The following CACNA1B variants were observed in gnomAD, a reference collection of about 807,000 sequenced individuals.
CACNA1B encodes voltage-dependent N-type calcium channel subunit alpha-1B.
In CACNA1B, 70 loss-of-function variants were observed where a neutral mutation model predicts 247.2. The ratio of observed to expected loss-of-function variants is 0.28; its 90% confidence interval spans 0.23 to 0.35. CACNA1B has a LOEUF of 0.35. Among genes scored for constraint, CACNA1B ranks in the 10% least tolerant of loss-of-function variants. The pLI is 1.00. For synonymous variants in CACNA1B, 1,231 were observed against 1,294.4 expected (o/e 0.95, Z 1.05); for missense variants, 2,367 against 3,197.4 (o/e 0.74, Z 6.26).
chr9:137,892,081 C>T (rs1231445947), intron 3 of CACNA1B: 1 of 457,286 alleles, frequency 2.2e-6, no homozygotes, highest in East Asian at 6.9e-5. Context: ...GCTGGCCTCT[C>T]TTTGCCCTCC....
At chr9:138,077,342 C>G (rs1960362102) in intron 35 of CACNA1B, among the ~76,000 whole-genome samples, 1 of 152,200 alleles carries the variant, frequency 6.6e-6, no homozygotes, top group Admixed American at 6.5e-5. Context: ...GGTGGCTGCT[C>G]AGGGCAGGGT....
In CACNA1B at chr9:138,120,171, A is replaced by T. The variant is rs1962032074; in HGVS notation, c.6037A>T (p.Thr2013Ser). Residue 2013 changes from threonine to serine, a missense_variant, in exon 45 of 47, where the codon ACA becomes TCA. Transcript: ENST00000371372. ...CTCAGTCCTTTGCCCACAGCCCGTCACAGATGCCAGCCCCATGAAGCGCTC... is the reference window on the plus strand; with the variant it reads ...CTCAGTCCTTTGCCCACAGCCCGTCTCAGATGCCAGCCCCATGAAGCGCTC... The part of the protein sequence containing the change: ...PRLAAETQPV[T>S]DASPMKRSIS... 1 of 1,601,248 alleles carries T rather than the reference A, an allele frequency of 6.2e-7. No homozygotes were observed. Among genetic ancestry groups the T allele is most frequent in the South Asian group, 1.1e-5 (1 of 88,254 alleles).
At chr9:137,920,251 C>A (rs1023220889) in intron 6 of CACNA1B, among the ~76,000 whole-genome samples, 18 of 152,156 alleles carry the variant, frequency 1.2e-4, no homozygotes, top group African/African-American at 4.3e-4. Flanking sequence ...TGCTGGAATG[C>A]GATGGCACGA....
intron 32 of CACNA1B, 128 bp downstream of exon 32, chr9:138,069,891 C>A: frequency 1.2e-6 from 1 of 807,534 alleles, no homozygotes; most frequent in South Asian, 1.4e-5. Context: ...CGGCTGCATC[C>A]ACTCACCTCT....
Position 138,023,110 on chromosome 9 carries a change from C to A in CACNA1B, c.2367C>A (p.Ser789Arg). Reference protein sequence around the residue: ...NLRASCEALYSEMDPEERLRF... With the variant: ...NLRASCEALYREMDPEERLRF... Reference sequence around the variant, plus strand: ...GGGCCAGCTGCGAGGCGCTGTACAGCGAGATGGACCCCGAGGAGCGGCTGC... The same window carrying A: ...GGGCCAGCTGCGAGGCGCTGTACAGAGAGATGGACCCCGAGGAGCGGCTGC... Residue 789 changes from serine to arginine, a missense_variant, in exon 19 of 47, where the codon AGC becomes AGA. Physicochemically the swap from Ser to Arg is moderately radical, Grantham distance 110 (BLOSUM62 -1). Around this residue, in one of 12 missense-constraint regions of CACNA1B, gnomAD observed 631 missense variants for 631.1 expected, o/e 1.00. Coordinates refer to ENST00000371372, the MANE Select transcript of CACNA1B (RefSeq NM_000718.4). 1 of 1,535,308 alleles carries A rather than the reference C, an allele frequency of 6.5e-7. No individual in the cohort carries two copies.
chr9:137,925,747 A>ATT (rs537179531), intron 6 of CACNA1B, among the ~76,000 whole-genome samples: 14 of 140,912 alleles, frequency 9.9e-5, no homozygotes, highest in African/African-American at 3.1e-4. Context: ...CATCGTAACC[A>ATT]TTTTTTTTTT....
At chr9:137,969,585 A>G (rs929526984) in intron 10 of CACNA1B, among the ~76,000 whole-genome samples, 2 of 152,092 alleles carry the variant, frequency 1.3e-5, no homozygotes, top group Non-Finnish European at 2.9e-5. Context: ...GTGGGTTTAC[A>G]TGAGTCACGT....
chr9:138,017,506 T>C, intron 18 of CACNA1B, among the ~76,000 whole-genome samples: 1 of 152,192 alleles, frequency 6.6e-6, no homozygotes, highest in East Asian at 1.9e-4. Flanking sequence ...TTCTCCTGAG[T>C]GGACTGGGCG....
chr9:137,879,505 G>A (rs982144150), intron 2 of CACNA1B, among the ~76,000 whole-genome samples: 8 of 152,220 alleles, frequency 5.3e-5, no homozygotes, highest in African/African-American at 1.9e-4. Flanking sequence ...ATGTCTTCGG[G>A]AAGGTCAGCT....
intron 44 of CACNA1B, 77 bp from the exon 45 acceptor site, chr9:138,120,088 C>CATTAAAA: frequency 7.9e-7 from 1 of 1,268,886 alleles, no homozygotes; most frequent in South Asian, 1.4e-5. Flanking sequence ...TGGCCTGCTC[C>CATTAAAA]ACCACCCACT....
intron 6 of CACNA1B, among the ~76,000 whole-genome samples, chr9:137,939,479 A>G (rs1417144149): frequency 6.6e-6 from 1 of 152,146 alleles, no homozygotes; most frequent in Admixed American, 6.6e-5. Flanking sequence ...GGGTCAAAAA[A>G]TGAAATCAAG....
In CACNA1B at chr9:138,121,494, C is replaced by T; in HGVS notation, c.6515C>T (p.Pro2172Leu). 3 of 1,541,262 alleles carry T rather than the reference C, an allele frequency of 1.9e-6. No individual in the cohort carries two copies. Among genetic ancestry groups the T allele is most frequent in the South Asian group, 1.3e-5 (1 of 79,984 alleles). The change falls in exon 47 of 47, where the codon CCC (proline) becomes CTC (leucine). Residue 2172 changes from proline (P) to leucine (L), a missense_variant. Physicochemically the swap from Pro to Leu is moderately conservative, Grantham distance 98. This residue lies in a region of CACNA1B where 773 missense variants were observed against 779.4 expected (regional missense o/e 0.99). Coordinates refer to ENST00000371372, the MANE Select transcript of CACNA1B (RefSeq NM_000718.4). The surrounding 1 kb of genome is among the most constrained non-coding windows in gnomAD (Gnocchi z 6.8). Reference protein sequence around the residue: ...PQGSGSVNGSPLLSTSGASTP... With the variant: ...PQGSGSVNGSLLLSTSGASTP... ...GGCAGTGGTTCCGTGAATGGGAGCC[C>T]CTTGCTGTCAACATCTGGTGCTAGC...
In CACNA1B at chr9:137,973,444, C is replaced by G. The variant is rs1958180644; in HGVS notation, c.1543+1852C>G. 6.6e-6 allele frequency among the ~76,000 whole-genome samples: 1 copy of G among 152,144 alleles called. No individual in the cohort carries two copies. The highest frequency in any genetic ancestry group is 2.4e-5 in the African/African-American group (1 of 41,444). The stretch of plus-strand genomic sequence containing the variant: ...ACCTCGGCTGTCCATTCTCCAAGGA[C>G]CTGCCCTCAATGCATTGCCAGAACC... On this transcript the variant is annotated intron_variant, in intron 11 of 46. Transcript: ENST00000371372. The surrounding 1 kb of genome is among the most constrained non-coding windows in gnomAD (Gnocchi z 4.1).
chr9:138,023,901 C>T (rs1958886521), intron 19 of CACNA1B, 90 bp downstream of exon 19: 1 of 676,724 alleles, frequency 1.5e-6, no homozygotes, highest in Non-Finnish European at 2.6e-6. Flanking sequence ...GGGTCCACGG[C>T]GGAGGCTGCA....
At chr9:138,040,214 G>A (rs139575607) in intron 20 of CACNA1B, among the ~76,000 whole-genome samples, 2 of 152,136 alleles carry the variant, frequency 1.3e-5, no homozygotes, top group East Asian at 3.9e-4. Flanking sequence ...CTGGGATTAC[G>A]GTTGTGAGCC....
At chr9:138,095,994 C>T (rs992146913) in intron 36 of CACNA1B, among the ~76,000 whole-genome samples, 3 of 151,954 alleles carry the variant, frequency 2.0e-5, no homozygotes, top group African/African-American at 4.8e-5. Flanking sequence ...AGGTATTCTT[C>T]GGGAACGACG....
At chr9:138,070,456 C>T (rs1338596891) in intron 32 of CACNA1B, among the ~76,000 whole-genome samples, 2 of 152,262 alleles carry the variant, frequency 1.3e-5, no homozygotes, top group East Asian at 1.9e-4. Flanking sequence ...TCAGCAAGCT[C>T]ATTTGGAGTG....
intron 6 of CACNA1B, among the ~76,000 whole-genome samples, chr9:137,926,452 C>A (rs1957552511): frequency 6.6e-6 from 1 of 152,170 alleles, no homozygotes; most frequent in African/African-American, 2.4e-5. Context: ...CATTGGGTTG[C>A]TTCCATGTTT....
chr9:137,884,267 C>T (rs1956970880), intron 3 of CACNA1B, among the ~76,000 whole-genome samples: 1 of 151,976 alleles, frequency 6.6e-6, no homozygotes, highest in Admixed American at 6.6e-5. Flanking sequence ...GTGCTGGGCA[C>T]AGCAGCATTG....
Sources: gnomAD v4.1 joint callset for allele counts (sites outside exome capture counted in the v4.1 genomes callset) on GRCh38, gnomAD v4.1.1 for gene constraint, gnomAD v4.1.1 regional missense constraint, Gnocchi (gnomAD v3.1) non-coding constraint, MANE v1.5 for transcripts, NCBI Gene and HGNC (gene_info 2026-07-23, HGNC 2026-07-21) for gene names.